PITRM1: variants seen among roughly 807,000 people sequenced by gnomAD.
PITRM1 encodes presequence protease, mitochondrial.
A neutral mutation model predicts 129.9 loss-of-function variants in PITRM1; 100 were observed. The ratio of observed to expected loss-of-function variants is 0.77; its 90% confidence interval spans 0.65 to 0.91. PITRM1 has a LOEUF of 0.91. PITRM1 is among the 40% of genes least tolerant of loss of function. The pLI is 0.00. For missense variants in PITRM1, 1,471 were observed against 1,318.3 expected (o/e 1.12, Z -1.79); for synonymous variants, 591 against 508.8 (o/e 1.16, Z -2.17).
intron 2 of PITRM1, 27 bp from the exon 3 acceptor site, chr10:3,167,069 G>T: frequency 7.1e-7 from 1 of 1,409,118 alleles, no homozygotes; most frequent in Non-Finnish European, 9.8e-7. Context: ...AACACGACCA[G>T]TTAAACTTAG....
chr10:3,147,150 C>G lies in PITRM1; in HGVS notation c.2336G>C (p.Arg779Thr). The stretch of plus-strand genomic sequence containing the variant: ...ATTTAGAAACAAATCACACATGCAC[C>G]TCATATTATCACCATTTAACAAGTG... ...KKHLLNGDNMRCSVNATPQQM... is the reference protein window; with the variant it reads ...KKHLLNGDNMTCSVNATPQQM... Residue 779 changes from arginine (R) to threonine (T), a missense_variant and splice_region_variant, in exon 20 of 27, where the codon AGG becomes ACG. Coordinates refer to ENST00000224949, the MANE Select transcript of PITRM1 (RefSeq NM_014889.4). 1 of 1,447,764 alleles carries G rather than the reference C, an allele frequency of 6.9e-7. No individual in the cohort carries two copies. Among genetic ancestry groups the G allele is most frequent in the Non-Finnish European group, 9.7e-7 (1 of 1,029,440 alleles). The allele number at this position is 1,447,764 out of a possible 1,614,324, so 89.7% of individuals were successfully genotyped here. A position where few individuals can be genotyped will look rare whatever the true frequency, so the allele number is the denominator to read the frequency against.
Position 3,147,567 on chromosome 10 carries a change from C to G in PITRM1, c.2235+5G>C. The G allele has an allele frequency of 6.2e-7, 1 of 1,613,852 alleles. No homozygotes were observed. On this transcript the variant is annotated splice_donor_5th_base_variant and intron_variant, in intron 19 of 26. Transcript: ENST00000224949. ...AGTAATAGAGGTTCCTTCCAAGCTT[C>G]CCACCTGATCCATCCCGCTGAAGGT... is the stretch of plus-strand genomic sequence containing the variant.
chr10:3,148,019 G>C lies in PITRM1; in HGVS notation c.2037C>G (p.Asp679Glu), dbSNP rs138229469. The change falls in exon 18 of 27, where the codon GAC becomes GAG. Residue 679 changes from aspartate (D) to glutamate (E), a missense_variant. By Grantham distance (45) the Asp-to-Glu change is conservative. Coordinates refer to ENST00000224949, the MANE Select transcript of PITRM1 (RefSeq NM_014889.4). The stretch of plus-strand genomic sequence containing the variant: ...ATATTTCACTCCATAGCTGCATCAT[G>C]TCTGGCAGGTTTCGATCCAGGCAGA... ...SSLCLDRNLP[D>E]MMQLWSEIFN... is the part of the protein sequence containing the mutation. 383 of 1,613,396 alleles carry C rather than the reference G, an allele frequency of 2.4e-4. 3 individuals carry two copies. The African/African-American group carries it at 4.7e-3, about 20-fold the overall frequency.
At chr10:3,172,658 C>A in intron 1 of PITRM1, 59 bp downstream of exon 1, 1 of 1,484,516 alleles carries the variant, frequency 6.7e-7, no homozygotes, top group Non-Finnish European at 9.0e-7. Flanking sequence ...TCCGGCCTGC[C>A]CTGGACCCTC....
Position 3,161,520 on chromosome 10 carries a change from G to A in PITRM1, c.792-1190C>T, listed in dbSNP as rs577496695. The stretch of plus-strand genomic sequence containing the variant: ...ATTTAGAAACAAATTTTACACACTC[G>A]GGGTTGAGAGAATCCAGGAGCAATC... On this transcript the variant is annotated intron_variant, in intron 7 of 26. Transcript: ENST00000224949. 1.9e-4 allele frequency among the ~76,000 whole-genome samples: 29 copies of A among 152,144 alleles called. No individual in the cohort carries two copies. The South Asian group carries it at 5.2e-3, about 27-fold the overall frequency.
At chr10:3,166,863 G>T in intron 3 of PITRM1, 73 bp downstream of exon 3, 1 of 869,390 alleles carries the variant, frequency 1.2e-6, no homozygotes, top group Non-Finnish European at 1.8e-6. Flanking sequence ...GTGGCACAGG[G>T]AAGCCAAAAG....
Position 3,148,380 on chromosome 10 carries a change from T to G in PITRM1, c.1872-89A>C. The G allele has an allele frequency of 1.6e-5, 23 of 1,469,840 alleles. No homozygotes were observed. The South Asian group carries it at 3.0e-4, about 19-fold the overall frequency. 91.0% of individuals were successfully genotyped at this position (1,469,840 alleles called of 1,614,324 possible). A position where few individuals can be genotyped will look rare whatever the true frequency, so the allele number is the denominator to read the frequency against. On this transcript the variant is annotated intron_variant, in intron 16 of 26. Transcript: ENST00000224949. ...CGTGCATCTTGAGTTACAAGTTGCT[T>G]CCATTAATTCAATAACTGCGGCTTT... is the stretch of plus-strand genomic sequence containing the variant.
At chr10:3,143,065 ATTCG>A in intron 23 of PITRM1, 1 of 189,984 alleles carries the variant, frequency 5.3e-6, no homozygotes, top group Non-Finnish European at 9.4e-6. Flanking sequence ...GCCTAAATTC[ATTCG>A]ATTTTTACCT....
intron 1 of PITRM1, 84 bp downstream of exon 1, chr10:3,172,633 G>T: frequency 1.6e-6 from 2 of 1,260,180 alleles, no homozygotes; most frequent in Non-Finnish European, 2.1e-6. Context: ...GCGCAGGGAC[G>T]AGGACCCCTA....
At chr10:3,152,777 T>C (rs1275857367) in intron 14 of PITRM1, among the ~76,000 whole-genome samples, 1 of 152,124 alleles carries the variant, frequency 6.6e-6, no homozygotes, top group Non-Finnish European at 1.5e-5. Flanking sequence ...TGACCCGGTT[T>C]CCCCCGTGGT....
intron 23 of PITRM1, among the ~76,000 whole-genome samples, chr10:3,141,093 C>T (rs1297194924): frequency 2.0e-5 from 3 of 152,178 alleles, no homozygotes; most frequent in Non-Finnish European, 4.4e-5. Flanking sequence ...AGGTGTGTGC[C>T]ACCACGCCTG....
Position 3,138,832 on chromosome 10 carries a change from C to T in PITRM1, c.2917+72G>A, listed in dbSNP as rs187569118. The T allele has an allele frequency of 4.2e-5, 62 of 1,462,644 alleles. 1 individual carries two copies. The African/African-American group carries it at 4.6e-4, about 11-fold the overall frequency. 90.6% of individuals were successfully genotyped at this position (1,462,644 alleles called of 1,614,324 possible). A position where few individuals can be genotyped will look rare whatever the true frequency, so the allele number is the denominator to read the frequency against. ...AGCTAGTGCTCCTGCCCATGCATGC[C>T]GGGAACTTGGAAAACAGCAACGTCA... On this transcript the variant is annotated intron_variant, in intron 25 of 26. Coordinates refer to ENST00000224949, the MANE Select transcript of PITRM1 (RefSeq NM_014889.4).
chr10:3,141,085 G>C (rs578070480), intron 23 of PITRM1, among the ~76,000 whole-genome samples: 1 of 152,324 alleles, frequency 6.6e-6, no homozygotes, highest in South Asian at 2.1e-4. Context: ...GGGCCTACAG[G>C]TGTGTGCCAC....
rs772260917 is a variant in PITRM1, at chr10:3,158,116, C to A, written c.1174G>T (p.Gly392Cys). 1.2e-6 allele frequency: 2 copies of A among 1,609,536 alleles called. No homozygotes were observed. The highest frequency in any genetic ancestry group is 2.2e-5 in the South Asian group (2 of 90,566). The change falls in exon 11 of 27, where the codon GGC becomes TGC. Residue 392 changes from glycine to cysteine, a missense_variant. By Grantham distance (159) the Gly-to-Cys change is radical. Coordinates refer to ENST00000224949, the MANE Select transcript of PITRM1 (RefSeq NM_014889.4). ...TCTTTCTCCGCAATCCCTTGGAGGC[C>A]GACACTAAAGTAGGCCTCCCTCGTG... ...GYTREAYFSV[G>C]LQGIAEKDIE...
rs1160935281 is a variant in PITRM1 at position 3,147,968 on chromosome 10, C to T, written c.2069+19G>A. ...TCTAGTACACCCCAAGAATGGACAA[C>T]TCTTGCAAATAAAGTTACTTGTTAA... On this transcript the variant is annotated intron_variant, in intron 18 of 26. Coordinates refer to ENST00000224949, the MANE Select transcript of PITRM1 (RefSeq NM_014889.4). The T allele has an allele frequency of 6.4e-7, 1 of 1,573,398 alleles. No individual in the cohort carries two copies. Among genetic ancestry groups the T allele is most frequent in the Admixed American group, 1.7e-5 (1 of 59,970 alleles).
rs751838757 is a variant in PITRM1, at chr10:3,172,755, C to G, written c.18G>C (p.Gly6=). The change falls in exon 1 of 27, where the codon GGG becomes GGC. Residue 6 remains glycine (G), a synonymous_variant. Coordinates refer to ENST00000224949, the MANE Select transcript of PITRM1 (RefSeq NM_014889.4). ...GCCTCAGCACACACAGGCCCTGCCG[C>G]CCGCCGCAGCGCCACATTGCGCATG... is the stretch of plus-strand genomic sequence containing the variant. MWRCG[G]RQGLCVLRRL... is the part of the protein sequence containing the mutation. 2 of 1,546,460 alleles carry G rather than the reference C, an allele frequency of 1.3e-6. No individual in the cohort carries two copies. Among genetic ancestry groups the G allele is most frequent in the South Asian group, 1.2e-5 (1 of 83,774 alleles).
chr10:3,154,852 C>A (rs187843997), intron 14 of PITRM1, among the ~76,000 whole-genome samples: 1 of 152,288 alleles, frequency 6.6e-6, no homozygotes, highest in Non-Finnish European at 1.5e-5. Context: ...GCTCCCCCAG[C>A]GGCTGCCAAT....
intron 2 of PITRM1, among the ~76,000 whole-genome samples, chr10:3,167,302 AGCG>A (rs1842957856): frequency 6.7e-6 from 1 of 149,688 alleles, no homozygotes; most frequent in South Asian, 2.2e-4. Context: ...CGAGCGAGCG[AGCG>A]CGAGAGCGCA....
chr10:3,149,148 G>A (rs150924040), intron 16 of PITRM1: 1,773 of 153,014 alleles, frequency 0.012, 13 homozygotes, highest in Non-Finnish European at 0.018. Flanking sequence ...CCTCGGCCAC[G>A]GCAGAGCTGG....
Sources: gnomAD v4.1 joint callset for allele counts (sites outside exome capture counted in the v4.1 genomes callset) on GRCh38, gnomAD v4.1.1 for gene constraint, MANE v1.5 for transcripts, NCBI Gene and HGNC (gene_info 2026-07-23, HGNC 2026-07-21) for gene names.